The following PHF21B variants were observed in gnomAD, a reference collection of about 807,000 sequenced individuals.
PHF21B encodes PHD finger protein 4.
Under a neutral mutation model 62.2 loss-of-function variants are expected in PHF21B, and 22 were observed. The observed-to-expected ratio is 0.35, with a 90% CI of 0.25 to 0.51. The LOEUF is 0.51. Among genes scored for constraint, PHF21B ranks in the 20% least tolerant of loss-of-function variants. The probability of loss-of-function intolerance (pLI) is 0.97; values close to 1 mark genes in which losing one functional copy is unlikely to be tolerated. For synonymous variants in PHF21B, 341 were observed against 314.7 expected (o/e 1.08, Z -0.88); for missense variants, 701 against 707.9 (o/e 0.99, Z 0.11).
Position 44,882,930 on chromosome 22 carries a change from A to T in PHF21B, c.*156T>A. ...CGCACCCCCACCTGGTCCTGGCTCT[A>T]GGCCTCTCGCCCAGCTCTTCCTCCC... is the stretch of plus-strand genomic sequence containing the variant. On this transcript the variant is annotated 3_prime_UTR_variant, in exon 13 of 13. Coordinates refer to ENST00000313237, the MANE Select transcript of PHF21B (RefSeq NM_138415.5). The T allele has an allele frequency of 1.1e-6, 1 of 914,952 alleles. No individual in the cohort carries two copies. The highest frequency in any genetic ancestry group is 1.6e-6 in the Non-Finnish European group (1 of 618,366). The allele number at this position is 914,952 out of a possible 1,614,324, so 56.7% of individuals were successfully genotyped here.
chr22:44,907,413 T>C (rs568915617), intron 5 of PHF21B, among the ~76,000 whole-genome samples: 130 of 152,338 alleles, frequency 8.5e-4, no homozygotes, highest in African/African-American at 2.9e-3. Context: ...CCCACCTCTG[T>C]GTGCTTGTGT....
Position 45,009,082 on chromosome 22 carries a change from A to G in PHF21B, c.54+414T>C. 1 of 1,086,082 alleles carries G rather than the reference A, an allele frequency of 9.2e-7. No homozygotes were observed. Among genetic ancestry groups the G allele is most frequent in the East Asian group, 4.5e-5 (1 of 22,042 alleles). 67.3% of individuals were successfully genotyped at this position (1,086,082 alleles called of 1,614,324 possible). ...GGCCGCCACGCCGCCGCTCGCCAGC[A>G]GCGATCGCCAAAACTACTTCTGCAC... is the stretch of plus-strand genomic sequence containing the variant. On this transcript the variant is annotated intron_variant, in intron 1 of 12. Transcript: ENST00000313237. This position sits in a 1 kb window ranked among gnomAD's most constrained non-coding sequence, Gnocchi z 5.9.
intron 2 of PHF21B, chr22:44,969,019 C>T (rs2147442618): frequency 6.6e-6 from 1 of 152,386 alleles, no homozygotes; most frequent in Non-Finnish European, 1.5e-5. Flanking sequence ...AGACGCTCAG[C>T]TCCTGGGCAC....
chr22:44,898,106 C>A (rs1403479092), intron 5 of PHF21B, among the ~76,000 whole-genome samples: 1 of 152,176 alleles, frequency 6.6e-6, no homozygotes, highest in Non-Finnish European at 1.5e-5. Context: ...CTGTGCCCAG[C>A]CCTTTGTTTT....
intron 2 of PHF21B, among the ~76,000 whole-genome samples, chr22:44,958,933 A>G (rs1193633226): frequency 3.3e-5 from 5 of 151,702 alleles, no homozygotes. Flanking sequence ...GAGCCACCGC[A>G]CCCGGCCCCT....
chr22:44,887,612 G>A (rs886330086), intron 10 of PHF21B, among the ~76,000 whole-genome samples: 20 of 151,704 alleles, frequency 1.3e-4, no homozygotes, highest in Admixed American at 9.8e-4. Flanking sequence ...AAAATTATCC[G>A]GGTGTGGTGG....
intron 2 of PHF21B, among the ~76,000 whole-genome samples, chr22:44,979,022 CT>C (rs113456177): frequency 2.0e-5 from 3 of 152,372 alleles, no homozygotes; most frequent in African/African-American, 7.2e-5. Flanking sequence ...TGAAACTGCA[CT>C]TTGGGCTCAG....
chr22:44,891,954 G>A (rs751813376), intron 7 of PHF21B, among the ~76,000 whole-genome samples: 1 of 152,178 alleles, frequency 6.6e-6, no homozygotes, highest in Non-Finnish European at 1.5e-5. Context: ...ACTTCTCTCG[G>A]TGTGGTCAGG....
chr22:45,000,112 T>G (rs1260238180), intron 2 of PHF21B, among the ~76,000 whole-genome samples: 1 of 151,992 alleles, frequency 6.6e-6, no homozygotes, highest in Non-Finnish European at 1.5e-5. Context: ...CGGCAAAGGA[T>G]GGAGCCGGGA....
intron 6 of PHF21B, 99 bp from the exon 7 acceptor site, chr22:44,893,632 C>G: frequency 1.7e-6 from 2 of 1,173,082 alleles, no homozygotes; most frequent in Non-Finnish European, 2.4e-6. Flanking sequence ...CCCTCCTGCT[C>G]TGAAGCCTCT....
chr22:44,949,241 C>T (rs1435489386), intron 2 of PHF21B, among the ~76,000 whole-genome samples: 1 of 138,380 alleles, frequency 7.2e-6, no homozygotes, highest in Non-Finnish European at 1.5e-5. Flanking sequence ...GCGGAGGTTG[C>T]GGTGAGCCAA....
intron 4 of PHF21B, 28 bp from the exon 5 acceptor site, chr22:44,914,116 G>T: frequency 1.5e-6 from 1 of 676,762 alleles, no homozygotes; most frequent in Non-Finnish European, 2.5e-6. Context: ...GGGGCACAGG[G>T]AGGAAGGGAA....
chr22:44,997,875 C>T (rs1317155270), intron 2 of PHF21B, among the ~76,000 whole-genome samples: 2 of 152,226 alleles, frequency 1.3e-5, no homozygotes, highest in African/African-American at 4.8e-5. Flanking sequence ...GCTGCCGCTT[C>T]GCATAACGGA....
intron 2 of PHF21B, among the ~76,000 whole-genome samples, chr22:44,925,671 G>C (rs1443576828): frequency 6.6e-6 from 1 of 152,232 alleles, no homozygotes; most frequent in Non-Finnish European, 1.5e-5. Context: ...AACACCGCCT[G>C]CTGCTCTTGG....
intron 2 of PHF21B, among the ~76,000 whole-genome samples, chr22:44,935,182 G>A (rs976815409): frequency 6.6e-6 from 1 of 152,146 alleles, no homozygotes; most frequent in Non-Finnish European, 1.5e-5. Context: ...ATAGCCCAAA[G>A]ATCTGAGAGC....
At chr22:45,008,384 T>C in intron 2 of PHF21B, 161 bp downstream of exon 2, 1 of 620,598 alleles carries the variant, frequency 1.6e-6, no homozygotes, top group Admixed American at 4.3e-5. Context: ...CGGCTCTTTC[T>C]TTCCAGGAAA....
At chr22:44,994,793 G>C (rs1248625399) in intron 2 of PHF21B, among the ~76,000 whole-genome samples, 1 of 152,146 alleles carries the variant, frequency 6.6e-6, no homozygotes, top group African/African-American at 2.4e-5. Flanking sequence ...TGCTGATTAC[G>C]ATGAAAGATG....
chr22:44,946,420 C>T (rs774557394), intron 2 of PHF21B, among the ~76,000 whole-genome samples: 12 of 152,052 alleles, frequency 7.9e-5, no homozygotes, highest in Non-Finnish European at 1.2e-4. Context: ...GGTCATGTCT[C>T]GAAGAGTGCT....
intron 12 of PHF21B, among the ~76,000 whole-genome samples, chr22:44,884,182 T>TCAC (rs1410999451): frequency 8.8e-5 from 10 of 113,100 alleles, no homozygotes; most frequent in African/African-American, 2.8e-4. Flanking sequence ...ACCACCATCA[T>TCAC]TACCACCATC....
Sources: allele counts gnomAD v4.1 joint callset (sites outside exome capture counted in the v4.1 genomes callset), GRCh38; gene constraint gnomAD v4.1.1; non-coding constraint Gnocchi (gnomAD v3.1); transcripts MANE v1.5; gene names NCBI Gene and HGNC (gene_info 2026-07-23, HGNC 2026-07-21).